SGCZ: variants seen among roughly 807,000 people sequenced by gnomAD.
SGCZ encodes sarcoglycan zeta.
In SGCZ, 40 loss-of-function variants were observed where a neutral mutation model predicts 41.3. The observed-to-expected ratio is 0.97, with a 90% CI of 0.75 to 1.26. The LOEUF is 1.26. Ranked by LOEUF, SGCZ falls within the 50% of genes most tolerant of loss-of-function variation. The pLI is 0.00. For synonymous variants in SGCZ, 206 were observed against 137.5 expected (o/e 1.50, Z -3.49); for missense variants, 552 against 369.8 (o/e 1.49, Z -4.04).
chr8:14,468,280 C>A (rs17119305), intron 2 of SGCZ, among the ~76,000 whole-genome samples: 35 of 152,074 alleles, frequency 2.3e-4, no homozygotes, highest in Middle Eastern at 6.8e-3. Flanking sequence ...TTCACTAGAT[C>A]CTTCAAATAA....
intron 2 of SGCZ, among the ~76,000 whole-genome samples, chr8:14,546,466 T>G (rs1036177057): frequency 6.6e-6 from 1 of 152,128 alleles, no homozygotes; most frequent in Non-Finnish European, 1.5e-5. Context: ...TTTCTGAAAA[T>G]CATTGTTTCT....
rs571140004 is a variant in SGCZ, at chr8:14,219,870, G to A, written c.424+17722C>T. 5.3e-5 allele frequency among the ~76,000 whole-genome samples: 8 copies of A among 151,920 alleles called. No individual in the cohort carries two copies. In the East Asian group the frequency reaches 1.5e-3, roughly 29 times the overall value. Reference sequence around the variant, plus strand: ...CTCGAAAATTTCTTGTAGGGAAAACGTTTCTACAACCAGTAGGATGCAGAA... The same window carrying A: ...CTCGAAAATTTCTTGTAGGGAAAACATTTCTACAACCAGTAGGATGCAGAA... On this transcript the variant is annotated intron_variant, in intron 4 of 7. Transcript: ENST00000382080.
At chr8:14,515,333 T>C (rs1165469440) in intron 2 of SGCZ, among the ~76,000 whole-genome samples, 2 of 152,132 alleles carry the variant, frequency 1.3e-5, no homozygotes, top group Non-Finnish European at 2.9e-5. Flanking sequence ...AGTCACAACA[T>C]TTATAGAAAA....
At chr8:14,373,524 T>C (rs936826485) in intron 2 of SGCZ, among the ~76,000 whole-genome samples, 10 of 152,092 alleles carry the variant, frequency 6.6e-5, no homozygotes, top group Admixed American at 1.3e-4. Context: ...TACAAAATTA[T>C]TAGGTTCAAT....
chr8:14,913,952 G>C (rs951028045), intron 1 of SGCZ, among the ~76,000 whole-genome samples: 1 of 151,788 alleles, frequency 6.6e-6, no homozygotes, highest in Admixed American at 6.6e-5. Flanking sequence ...AATGTTAGAA[G>C]AGAAAAAGAA....
chr8:14,755,961 A>G (rs1477226600), intron 1 of SGCZ, among the ~76,000 whole-genome samples: 1 of 152,202 alleles, frequency 6.6e-6, no homozygotes, highest in Non-Finnish European at 1.5e-5. Context: ...AGATAAATAC[A>G]TAAATATGTA....
intron 2 of SGCZ, among the ~76,000 whole-genome samples, chr8:14,456,682 C>T (rs150128660): frequency 6.6e-5 from 10 of 152,046 alleles, no homozygotes; most frequent in African/African-American, 2.2e-4. Context: ...GGAACTGTAT[C>T]GCACTTTTCT....
At chr8:14,265,303 A>G (rs1324530657) in intron 3 of SGCZ, among the ~76,000 whole-genome samples, 1 of 152,136 alleles carries the variant, frequency 6.6e-6, no homozygotes, top group Non-Finnish European at 1.5e-5. Context: ...ATATCGCTCT[A>G]GTATATTGAC....
In SGCZ at chr8:14,893,375, G is replaced by A. The variant is rs1464264031; in HGVS notation, c.40-338449C>T. On this transcript the variant is annotated intron_variant, in intron 1 of 7. Transcript: ENST00000382080. ...TCACCTTAAATCTAGTCCGATGAGA[G>A]CCACGTCAAACTTCTGGCCTATAAA... 3.3e-5 allele frequency among the ~76,000 whole-genome samples: 5 copies of A among 152,148 alleles called. 1 individual carries two copies. In the South Asian group the frequency reaches 8.3e-4, roughly 25 times the overall value.
At chr8:14,103,243 T>G (rs1190269630) in intron 6 of SGCZ, among the ~76,000 whole-genome samples, 6 of 151,370 alleles carry the variant, frequency 4.0e-5, no homozygotes, top group African/African-American at 1.5e-4. Context: ...GAGGCAGTTT[T>G]CAAACTATCT....
chr8:15,162,907 G>C (rs1799555809), intron 1 of SGCZ, among the ~76,000 whole-genome samples: 1 of 152,336 alleles, frequency 6.6e-6, no homozygotes, highest in East Asian at 1.9e-4. Context: ...AAATAACTGA[G>C]ATAGGGAAAA....
intron 1 of SGCZ, among the ~76,000 whole-genome samples, chr8:14,938,849 A>T (rs554295022): frequency 2.0e-5 from 3 of 152,110 alleles, no homozygotes; most frequent in African/African-American, 7.2e-5. Context: ...TTCATTACAG[A>T]TGCAACCTCC....
chr8:14,211,761 A>G (rs1805815289), intron 4 of SGCZ, among the ~76,000 whole-genome samples: 1 of 152,146 alleles, frequency 6.6e-6, no homozygotes, highest in African/African-American at 2.4e-5. Flanking sequence ...AATCTGCCCC[A>G]CAATCCAATC....
At position 14,701,953 on chromosome 8, in the gene SGCZ, C is replaced by A. The variant is rs190161825; in HGVS notation, c.40-147027G>T. Among the ~76,000 whole-genome samples, 6 of 151,950 alleles carry A rather than the reference C, an allele frequency of 3.9e-5. No individual in the cohort carries two copies. In the East Asian group the frequency reaches 1.2e-3, roughly 29 times the overall value. ...AAACCTCCCTTCATCCACATTTGCC[C>A]CCAGCTATTTCCTAATTATGTCCTC... On this transcript the variant is annotated intron_variant, in intron 1 of 7. Transcript: ENST00000382080.
chr8:14,644,214 G>A (rs1391333042), intron 1 of SGCZ, among the ~76,000 whole-genome samples: 1 of 151,528 alleles, frequency 6.6e-6, no homozygotes, highest in Non-Finnish European at 1.5e-5. Context: ...TTTTTTAGAT[G>A]AGGTAAACAT....
intron 1 of SGCZ, among the ~76,000 whole-genome samples, chr8:15,193,005 A>T (rs1326213738): frequency 6.6e-6 from 1 of 152,114 alleles, no homozygotes; most frequent in East Asian, 1.9e-4. Context: ...GAGATTATTT[A>T]ATGACCACTA....
intron 3 of SGCZ, among the ~76,000 whole-genome samples, chr8:14,293,309 G>A (rs75577858): frequency 0.035 from 5,300 of 152,076 alleles, 302 homozygotes; most frequent in African/African-American, 0.12. Context: ...ACACATGAAT[G>A]CCATTTCTTT....
At chr8:14,759,756 T>C (rs566840575) in intron 1 of SGCZ, among the ~76,000 whole-genome samples, 1 of 152,238 alleles carries the variant, frequency 6.6e-6, no homozygotes, top group South Asian at 2.1e-4. Context: ...TGTTCAGCTC[T>C]CCTTGATAAA....
intron 6 of SGCZ, among the ~76,000 whole-genome samples, chr8:14,107,051 C>G (rs1170008295): frequency 6.6e-6 from 1 of 151,860 alleles, no homozygotes; most frequent in South Asian, 2.1e-4. Context: ...CCCGTCTCTA[C>G]TAAAAATACA....
Sources: allele counts gnomAD v4.1 joint callset (sites outside exome capture counted in the v4.1 genomes callset), GRCh38; gene constraint gnomAD v4.1.1; transcripts MANE v1.5; gene names NCBI Gene and HGNC (gene_info 2026-07-23, HGNC 2026-07-21).